GPHN: variants seen among roughly 807,000 people sequenced by gnomAD.
GPHN encodes gephyrin.
Under a neutral mutation model 95.5 loss-of-function variants are expected in GPHN, and 17 were observed. The ratio of observed to expected loss-of-function variants is 0.18; its 90% CI spans 0.12 to 0.27. The LOEUF is 0.27. GPHN is among the 10% of genes least tolerant of loss of function. GPHN has a pLI of 1.00. For synonymous variants in GPHN, 320 were observed against 322.5 expected (o/e 0.99, Z 0.08); for missense variants, 660 against 978.1 (o/e 0.67, Z 4.34).
chr14:66,508,451 G>C lies in GPHN; in HGVS notation c.-77G>C. 7.4e-7 allele frequency: 1 copy of C among 1,356,470 alleles called. No homozygotes were observed. Among genetic ancestry groups the C allele is most frequent in the South Asian group, 1.2e-5 (1 of 86,042 alleles). 84.0% of individuals were successfully genotyped at this position (1,356,470 alleles called of 1,614,324 possible). ...CCCTAGCTGTCGCGCTCTCCTCGGC[G>C]AGCGCGCTCCCGGCCCGCGCGCTCC... On this transcript the variant is annotated 5_prime_UTR_variant, in exon 1 of 23. Transcript: ENST00000478722.
chr14:66,683,851 C>CCTG (rs546406223), intron 2 of GPHN, among the ~76,000 whole-genome samples: 204 of 151,740 alleles, frequency 1.3e-3, no homozygotes, highest in African/African-American at 4.6e-3. Flanking sequence ...GTGGCGGGCA[C>CCTG]CTGTAGTCCC....
intron 2 of GPHN, among the ~76,000 whole-genome samples, chr14:66,708,294 A>G (rs1470120533): frequency 6.6e-6 from 1 of 152,138 alleles, no homozygotes. Context: ...CCTTCCAACA[A>G]TTGTGAATAA....
At chr14:66,738,976 G>A (rs1478596459) in intron 2 of GPHN, among the ~76,000 whole-genome samples, 2 of 151,698 alleles carry the variant, frequency 1.3e-5, no homozygotes, top group African/African-American at 4.8e-5. Context: ...TTTTTGGGTG[G>A]CGTTCTATTG....
In GPHN at chr14:66,691,474, C is replaced by T. The variant is rs147312896; in HGVS notation, c.143+10289C>T. ...CTGGGATTACAGGTGTGAGCCACTG[C>T]ACCTGACCCATGAACATTTTTAAGT... On this transcript the variant is annotated intron_variant, in intron 2 of 22. Coordinates refer to ENST00000478722, the MANE Select transcript of GPHN (RefSeq NM_020806.5). 5.2e-3 allele frequency among the ~76,000 whole-genome samples: 789 copies of T among 152,170 alleles called. 8 individuals carry two copies. The highest frequency in any genetic ancestry group is 0.018 in the African/African-American group (748 of 41,536).
At chr14:67,163,314 A>C (rs1298644920) in intron 19 of GPHN, among the ~76,000 whole-genome samples, 1 of 152,046 alleles carries the variant, frequency 6.6e-6, no homozygotes, top group African/African-American at 2.4e-5. Context: ...TCAAAAAATA[A>C]ATAAATAAAT....
intron 3 of GPHN, among the ~76,000 whole-genome samples, chr14:66,820,891 A>G (rs540001179): frequency 1.3e-5 from 2 of 152,210 alleles, no homozygotes; most frequent in African/African-American, 4.8e-5. Flanking sequence ...TTTTTGTGAT[A>G]CACCTTTATT....
At chr14:67,620,987 A>G in the GPHN span, 2 of 1,610,010 alleles carry the variant, frequency 1.2e-6, no homozygotes, top group East Asian at 2.2e-5. Flanking sequence ...AGATTTTTAG[A>G]TATTAGTGCA....
intron 4 of GPHN, among the ~76,000 whole-genome samples, chr14:66,845,198 ATC>A (rs1379891256): frequency 6.6e-6 from 1 of 152,206 alleles, no homozygotes; most frequent in Non-Finnish European, 1.5e-5. Context: ...GCATGCAAGT[ATC>A]TGTTTTTCTT....
chr14:67,324,223 C>T, the GPHN span, among the ~76,000 whole-genome samples: 1 of 152,140 alleles, frequency 6.6e-6, no homozygotes. Context: ...CTTTGGTCTT[C>T]TCACATGGTT....
intron 10 of GPHN, among the ~76,000 whole-genome samples, chr14:67,033,431 G>A (rs1039796793): frequency 1.3e-5 from 2 of 152,004 alleles, no homozygotes; most frequent in African/African-American, 2.4e-5. Flanking sequence ...AGGCCTGGTG[G>A]TGCACACCTG....
chr14:67,103,636 A>G (rs552202216), intron 13 of GPHN, among the ~76,000 whole-genome samples: 1 of 131,620 alleles, frequency 7.6e-6, no homozygotes, highest in Admixed American at 7.9e-5. Context: ...TTTTGTAGTT[A>G]TTATACATGG....
At chr14:67,183,194 G>A (rs933543043), downstream of GPHN, among the ~76,000 whole-genome samples, 1 of 152,140 alleles carries the variant, frequency 6.6e-6, no homozygotes, top group African/African-American at 2.4e-5. Context: ...CATATGAAAT[G>A]TGCTGAGAGC....
chr14:66,938,236 A>G (rs898653743), intron 8 of GPHN, among the ~76,000 whole-genome samples: 3 of 152,214 alleles, frequency 2.0e-5, no homozygotes, highest in Non-Finnish European at 4.4e-5. Context: ...GAAATTACTA[A>G]GAGTTTCTGA....
intron 5 of GPHN, among the ~76,000 whole-genome samples, chr14:66,901,390 C>A (rs2065123834): frequency 1.3e-5 from 2 of 151,710 alleles, no homozygotes; most frequent in South Asian, 4.2e-4. Flanking sequence ...TTTTGTATAA[C>A]CCCATTTGTC....
At chr14:66,508,642 C>A in intron 1 of GPHN, 51 bp downstream of exon 1, 2 of 1,483,640 alleles carry the variant, frequency 1.3e-6, no homozygotes, top group Non-Finnish European at 9.4e-7. Context: ...CCCTGCATTG[C>A]CTTAGGCTTT....
chr14:66,950,021 A>G (rs2068001309), intron 8 of GPHN, among the ~76,000 whole-genome samples: 1 of 147,964 alleles, frequency 6.8e-6, no homozygotes, highest in Non-Finnish European at 1.5e-5. Flanking sequence ...AAAAAAAAGC[A>G]TAGATAAAGA....
chr14:67,298,718 G>A, the GPHN span, among the ~76,000 whole-genome samples: 1 of 152,208 alleles, frequency 6.6e-6, no homozygotes, highest in African/African-American at 2.4e-5. Flanking sequence ...GTATAGTTCA[G>A]TGTATTTTGA....
the GPHN span, among the ~76,000 whole-genome samples, chr14:67,462,021 C>T: frequency 1.3e-5 from 2 of 152,242 alleles, no homozygotes; most frequent in African/African-American, 4.8e-5. Context: ...ACCAGCTGTC[C>T]TTGACTGCCT....
intron 5 of GPHN, among the ~76,000 whole-genome samples, chr14:66,890,151 C>G (rs1292669044): frequency 6.6e-6 from 1 of 152,188 alleles, no homozygotes. Flanking sequence ...GTGGCTCACA[C>G]CTGTAATCCC....
Sources: allele counts gnomAD v4.1 joint callset (sites outside exome capture counted in the v4.1 genomes callset), GRCh38; gene constraint gnomAD v4.1.1; transcripts MANE v1.5; gene names NCBI Gene and HGNC (gene_info 2026-07-23, HGNC 2026-07-21).